MTMR1: variants seen among roughly 807,000 people sequenced by gnomAD.
MTMR1 encodes the protein phosphatidylinositol-3-phosphate phosphatase MTMR1.
In MTMR1, 17 loss-of-function variants were observed where a neutral mutation model predicts 51.6. The observed-to-expected ratio is 0.33, with a 90% CI of 0.23 to 0.49. The LOEUF (loss-of-function observed/expected upper bound fraction) is 0.49, where lower values mean the gene tolerates loss of function less well. MTMR1 is among the 20% of genes least tolerant of loss of function. The probability of loss-of-function intolerance (pLI) is 0.99; values close to 1 mark genes in which losing one functional copy is unlikely to be tolerated. For synonymous variants in MTMR1, 201 were observed against 205.6 expected, an observed-to-expected ratio of 0.98 and a Z score of 0.19; for missense variants, 386 against 526.9, an observed-to-expected ratio of 0.73 and a Z score of 2.62.
chrX:150,750,974 C>T (rs1215828484), intron 14 of MTMR1, 131 bp downstream of exon 14: 1 of 1,100,006 alleles, frequency 9.1e-7, no homozygotes, highest in Admixed American at 2.6e-5. Flanking sequence ...AAATGCCCTC[C>T]CAGGGTTCTG....
intron 4 of MTMR1, among the ~76,000 whole-genome samples, chrX:150,719,588 A>G (rs1251805908): frequency 9.0e-6 from 1 of 111,304 alleles, no homozygotes; most frequent in Non-Finnish European, 1.9e-5. Context: ...CTGCCCTCAT[A>G]CTGTTTTCTT....
intron 14 of MTMR1, chrX:150,751,089 C>G: frequency 9.1e-7 from 1 of 1,102,172 alleles, no homozygotes; most frequent in Non-Finnish European, 1.2e-6. Flanking sequence ...GAGTGCTAGA[C>G]CCTGGACCTC....
Position 150,742,795 on chromosome X carries a change from C to T in MTMR1, c.1474-1566C>T, listed in dbSNP as rs186541325. 4.2e-3 allele frequency among the ~76,000 whole-genome samples: 336 copies of T among 79,598 alleles called. 3 individuals carry two copies. Among genetic ancestry groups the T allele is most frequent in the African/African-American group, 0.015 (292 of 18,870 alleles). 69.1% of individuals were successfully genotyped at this position (79,598 alleles called of 115,157 possible). On this transcript the variant is annotated intron_variant, in intron 12 of 15. Coordinates refer to ENST00000445323, the MANE Select transcript of MTMR1 (RefSeq NM_001306144.3). ...TTGCGTCACTGCACTCCAGCCTGGG[C>T]GACAGAGTGAGACTCCATCTCAAAA...
chrX:150,757,834 C>G (rs2042948364), intron 15 of MTMR1, among the ~76,000 whole-genome samples: 1 of 111,794 alleles, frequency 8.9e-6, no homozygotes, highest in Non-Finnish European at 1.9e-5. Context: ...GCCCTCTTCC[C>G]TGCTCACCTA....
chrX:150,694,304 C>T (rs1557415679), intron 1 of MTMR1, among the ~76,000 whole-genome samples: 2 of 112,197 alleles, frequency 1.8e-5, no homozygotes, highest in East Asian at 2.8e-4. Flanking sequence ...TTTTCATGAA[C>T]ACACAAGCAA....
intron 4 of MTMR1, among the ~76,000 whole-genome samples, chrX:150,726,444 A>G (rs1293822318): frequency 1.8e-5 from 2 of 111,776 alleles, no homozygotes; most frequent in Non-Finnish European, 3.8e-5. Flanking sequence ...ACTTCTTCCA[A>G]TTATACCCAG....
intron 2 of MTMR1, among the ~76,000 whole-genome samples, chrX:150,701,133 C>T (rs2040891308): frequency 1.8e-5 from 2 of 111,775 alleles, no homozygotes; most frequent in Non-Finnish European, 1.9e-5. Flanking sequence ...TTATATTTGC[C>T]CTGCAGCCAA....
intron 6 of MTMR1, among the ~76,000 whole-genome samples, chrX:150,729,312 G>C (rs2042042893): frequency 9.0e-6 from 1 of 111,568 alleles, no homozygotes; most frequent in African/African-American, 3.3e-5. Context: ...AGTCAGCTCA[G>C]TCAGCCACCA....
At chrX:150,699,472 C>T (rs1056337427) in intron 2 of MTMR1, among the ~76,000 whole-genome samples, 172 bp downstream of exon 2, 21 of 112,310 alleles carry the variant, frequency 1.9e-4, no homozygotes, top group African/African-American at 6.8e-4. Context: ...GAAATTTTAC[C>T]AGTATCCAGT....
At chrX:150,721,817 C>T in intron 4 of MTMR1, among the ~76,000 whole-genome samples, 1 of 111,139 alleles carries the variant, frequency 9.0e-6, no homozygotes, top group East Asian at 2.8e-4. Context: ...TTAATTCACT[C>T]TTTTTGTAGC....
intron 15 of MTMR1, among the ~76,000 whole-genome samples, chrX:150,760,270 G>A (rs2148682637): frequency 9.9e-6 from 1 of 101,331 alleles, no homozygotes; most frequent in South Asian, 4.2e-4. Context: ...TCCAGTGACA[G>A]GGCCTGAGGA....
rs1352088888 is a variant in MTMR1 at position 150,699,265 on chromosome X, T to A, written c.217T>A (p.Ser73Thr). The A allele has an allele frequency of 7.3e-5, 88 of 1,198,433 alleles. 1 individual carries two copies. The highest frequency in any genetic ancestry group is 9.7e-5 in the Non-Finnish European group (86 of 886,904). ...TACAATTTCTAGTCAGATTTCAGGT[T>A]CAGTGACATCAGAAAATGTGTCCAG... Reference protein sequence around the residue: ...AATISSQISGSVTSENVSRDY... With the variant: ...AATISSQISGTVTSENVSRDY... Residue 73 changes from serine to threonine, a missense_variant, in exon 2 of 16, where the codon TCA (serine) becomes ACA (threonine). Physicochemically the swap from Ser to Thr is moderately conservative, Grantham distance 58. Coordinates refer to ENST00000445323, the MANE Select transcript of MTMR1 (RefSeq NM_001306144.3).
At chrX:150,750,941 G>A (rs1419272541) in intron 14 of MTMR1, 98 bp downstream of exon 14, 15 of 1,019,428 alleles carry the variant, frequency 1.5e-5, no homozygotes, top group Admixed American at 4.9e-5. Context: ...GGAGGACTGC[G>A]CTCTGGTGCT....
At chrX:150,739,366 A>G (rs1337834218) in intron 12 of MTMR1, among the ~76,000 whole-genome samples, 2 of 112,444 alleles carry the variant, frequency 1.8e-5, no homozygotes, top group African/African-American at 6.5e-5. Context: ...AACATCACCA[A>G]TTCCTTTGTT....
chrX:150,730,272 T>A (rs2042075839), intron 7 of MTMR1, 62 bp downstream of exon 7: 3 of 815,458 alleles, frequency 3.7e-6, no homozygotes, highest in Non-Finnish European at 5.1e-6. Context: ...ATCCTATGTT[T>A]AATTATTCCT....
At position 150,730,599 on chromosome X, in the gene MTMR1, TA is replaced by T; in HGVS notation, c.734del (p.Lys245ArgfsTer15). ...WKVYDPVSEY[K>X]RQGLPNESWK... ...AAGTTTATGATCCAGTATCTGAATA[TA>T]AGAGACAGGTAAAGTATATTGCTTA... On this transcript the variant is annotated frameshift_variant, in exon 8 of 16. Transcript: ENST00000445323. LOFTEE classifies it high-confidence loss of function. 1 of 1,103,390 alleles carries T rather than the reference TA, an allele frequency of 9.1e-7. No homozygotes were observed. Among genetic ancestry groups the T allele is most frequent in the Non-Finnish European group, 1.2e-6 (1 of 815,997 alleles). 90.9% of individuals were successfully genotyped at this position (1,103,390 alleles called of 1,213,427 possible). A position where few individuals can be genotyped will look rare whatever the true frequency, so the allele number is the denominator to read the frequency against.
At chrX:150,704,978 C>T (rs781910460) in intron 2 of MTMR1, among the ~76,000 whole-genome samples, 14 of 104,217 alleles carry the variant, frequency 1.3e-4, no homozygotes, top group Non-Finnish European at 2.8e-4. Context: ...TAAGCAATTG[C>T]AGGTATGCTT....
chrX:150,747,235 G>T (rs1486964690), intron 13 of MTMR1, among the ~76,000 whole-genome samples: 1 of 110,356 alleles, frequency 9.1e-6, no homozygotes, highest in Non-Finnish European at 1.9e-5. Context: ...GATCGCTTGA[G>T]GCCAGGAATT....
At chrX:150,720,122 G>C (rs1011138578) in intron 4 of MTMR1, among the ~76,000 whole-genome samples, 2 of 111,641 alleles carry the variant, frequency 1.8e-5, no homozygotes, top group African/African-American at 6.5e-5. Flanking sequence ...ATATATTCCT[G>C]GAGGCAAACT....
Sources: gnomAD v4.1 joint callset for allele counts (sites outside exome capture counted in the v4.1 genomes callset) on GRCh38, gnomAD v4.1.1 for gene constraint, MANE v1.5 for transcripts, NCBI Gene and HGNC (gene_info 2026-07-23, HGNC 2026-07-21) for gene names.